The following BICD1 variants were observed in gnomAD, a reference collection of about 807,000 sequenced individuals.
BICD1 encodes the protein BICD cargo adaptor 1, also known as protein bicaudal D homolog 1.
In BICD1, 35 loss-of-function variants were observed where a neutral mutation model predicts 92.5. The ratio of observed to expected loss-of-function variants is 0.38; its 90% CI spans 0.29 to 0.50. The LOEUF is 0.50. Among genes scored for constraint, BICD1 ranks in the 20% least tolerant of loss-of-function variants. The pLI is 0.93. For missense variants in BICD1, 950 were observed against 1,189.8 expected (o/e 0.80, Z 2.97); for synonymous variants, 429 against 465.1 (o/e 0.92, Z 1.00).
At chr12:32,286,664 G>A (rs1366062374) in intron 2 of BICD1, among the ~76,000 whole-genome samples, 1 of 152,116 alleles carries the variant, frequency 6.6e-6, no homozygotes, top group Non-Finnish European at 1.5e-5. Flanking sequence ...AAAGTGCATT[G>A]TTCTCCCTTT....
At chr12:32,288,223 ATTTTTTTT>A (rs34913740) in intron 2 of BICD1, among the ~76,000 whole-genome samples, 17,004 of 109,702 alleles carry the variant, frequency 0.16, 1,096 homozygotes, top group East Asian at 0.24. Flanking sequence ...CCAAGTCCTA[ATTTTTTTT>A]TTTTTTTTTT....
In BICD1 at chr12:32,141,325, AT is replaced by A. The variant is rs35841126; in HGVS notation, c.213+33790del. On this transcript the variant is annotated intron_variant, in intron 1 of 9. Coordinates refer to ENST00000652176, the MANE Select transcript of BICD1 (RefSeq NM_001714.4). ...AGCTTATTCAGAATTTATATTTCTG[AT>A]TTTTTTTTGTCCTGATGACTGCCTG... 6.9e-4 allele frequency among the ~76,000 whole-genome samples: 105 copies of A among 151,490 alleles called. 1 individual carries two copies. The highest frequency in any genetic ancestry group is 1.9e-3 in the African/African-American group (79 of 41,300).
intron 2 of BICD1, among the ~76,000 whole-genome samples, chr12:32,285,129 A>G (rs1947528571): frequency 6.6e-6 from 1 of 152,104 alleles, no homozygotes; most frequent in Non-Finnish European, 1.5e-5. Context: ...GCCCTCCTCT[A>G]TCTCCATTTA....
intron 1 of BICD1, among the ~76,000 whole-genome samples, chr12:32,143,170 A>T (rs1565544307): frequency 6.6e-6 from 1 of 152,190 alleles, no homozygotes; most frequent in Non-Finnish European, 1.5e-5. Flanking sequence ...AAGTGCACAA[A>T]CATGAATATA....
In BICD1 at chr12:32,332,570, T is replaced by C. The variant is rs904529856; in HGVS notation, c.2101-1946T>C. 9.6e-6 allele frequency: 5 copies of C among 522,518 alleles called. No homozygotes were observed. The Admixed American group carries it at 2.5e-4, about 27-fold the overall frequency. The allele number at this position is 522,518 out of a possible 1,614,324, so 32.4% of individuals were successfully genotyped here. A position where few individuals can be genotyped will look rare whatever the true frequency, so the allele number is the denominator to read the frequency against. The stretch of plus-strand genomic sequence containing the variant: ...ACATGGTCCCTGCCTTCCAGAAGAC[T>C]CAGCCTCCTGGGGATGTCAGGATAG... On this transcript the variant is annotated intron_variant, in intron 5 of 9. Coordinates refer to ENST00000652176, the MANE Select transcript of BICD1 (RefSeq NM_001714.4).
At chr12:32,257,588 T>A (rs1946754450) in intron 2 of BICD1, among the ~76,000 whole-genome samples, 1 of 152,164 alleles carries the variant, frequency 6.6e-6, no homozygotes, top group Admixed American at 6.6e-5. Flanking sequence ...CCTTATCTAG[T>A]AAAGCTAAAG....
chr12:32,213,237 G>A (rs1400061487), intron 1 of BICD1, among the ~76,000 whole-genome samples: 4 of 152,102 alleles, frequency 2.6e-5, no homozygotes, highest in Non-Finnish European at 5.9e-5. Flanking sequence ...TAATTTTCAC[G>A]ACTTAATACT....
intron 2 of BICD1, among the ~76,000 whole-genome samples, chr12:32,218,631 A>G (rs2121557893): frequency 6.6e-6 from 1 of 152,340 alleles, no homozygotes; most frequent in South Asian, 2.1e-4. Context: ...TTGCAGTAAG[A>G]GAATAACTTG....
At chr12:32,240,883 G>A (rs1322483194) in intron 2 of BICD1, among the ~76,000 whole-genome samples, 1 of 152,172 alleles carries the variant, frequency 6.6e-6, no homozygotes, top group East Asian at 1.9e-4. Context: ...AGAACAAAGA[G>A]AGAAGATATA....
intron 9 of BICD1, 84 bp from the exon 10 acceptor site, chr12:32,377,456 C>A (rs1014197623): frequency 8.3e-6 from 9 of 1,088,414 alleles, no homozygotes; most frequent in African/African-American, 1.5e-5. Flanking sequence ...AAAATCTATG[C>A]AAAAATATCT....
At chr12:32,368,763 A>G (rs1292243392) in intron 9 of BICD1, among the ~76,000 whole-genome samples, 1 of 152,176 alleles carries the variant, frequency 6.6e-6, no homozygotes, top group African/African-American at 2.4e-5. Context: ...AGAATTAGAT[A>G]TAAAGGCTGG....
intron 2 of BICD1, among the ~76,000 whole-genome samples, chr12:32,279,091 C>T (rs935922101): frequency 2.6e-5 from 4 of 152,176 alleles, no homozygotes; most frequent in African/African-American, 9.7e-5. Flanking sequence ...ATTAACCAAA[C>T]TGTTTAAAAT....
chr12:32,294,822 C>T (rs540101352), intron 3 of BICD1, among the ~76,000 whole-genome samples: 1 of 151,634 alleles, frequency 6.6e-6, no homozygotes, highest in African/African-American at 2.4e-5. Flanking sequence ...TGGTTCATGC[C>T]CGTAATCCCA....
chr12:32,133,844 C>T (rs1420482672), intron 1 of BICD1, among the ~76,000 whole-genome samples: 3 of 147,884 alleles, frequency 2.0e-5, no homozygotes, highest in Non-Finnish European at 1.5e-5. Context: ...TGCAGTGGTA[C>T]GATCTCTGAT....
Position 32,381,045 on chromosome 12 carries a change from C to T in BICD1, c.*3418C>T, listed in dbSNP as rs1592741406. 2.0e-5 allele frequency: 3 copies of T among 152,088 alleles called. No individual in the cohort carries two copies. In the East Asian group the frequency reaches 5.8e-4, roughly 29 times the overall value. 9.4% of individuals were successfully genotyped at this position (152,088 alleles called of 1,614,324 possible). On this transcript the variant is annotated 3_prime_UTR_variant, in exon 10 of 10. Transcript: ENST00000652176. ...TATTAAGTGGCAAGATAGGAGAATG[C>T]ATTTCAGTTCTGGGAGCTCATAATC...
At chr12:32,359,179 A>C (rs1014731170) in intron 8 of BICD1, among the ~76,000 whole-genome samples, 2 of 152,132 alleles carry the variant, frequency 1.3e-5, no homozygotes, top group African/African-American at 4.8e-5. Context: ...TTTTCTACTA[A>C]CTGTTAATCA....
At chr12:32,322,873 A>C (rs1213603543) in intron 4 of BICD1, among the ~76,000 whole-genome samples, 3 of 152,190 alleles carry the variant, frequency 2.0e-5, no homozygotes, top group Non-Finnish European at 4.4e-5. Flanking sequence ...TCCAATATTT[A>C]TTTGATCCAG....
intron 1 of BICD1, among the ~76,000 whole-genome samples, chr12:32,173,504 T>C (rs1944010196): frequency 6.6e-6 from 1 of 152,226 alleles, no homozygotes; most frequent in African/African-American, 2.4e-5. Context: ...TTCTCAGCTA[T>C]CTATGAGAGC....
chr12:32,240,267 G>T (rs1295561410), intron 2 of BICD1, among the ~76,000 whole-genome samples: 1 of 152,178 alleles, frequency 6.6e-6, no homozygotes, highest in Non-Finnish European at 1.5e-5. Flanking sequence ...TTTTATGGCT[G>T]AAAACAGCAC....
Sources: allele counts gnomAD v4.1 joint callset (sites outside exome capture counted in the v4.1 genomes callset), GRCh38; gene constraint gnomAD v4.1.1; transcripts MANE v1.5; gene names NCBI Gene and HGNC (gene_info 2026-07-23, HGNC 2026-07-21).